Variants in C8orf34 observed in about 807,000 individuals in gnomAD.
C8orf34 encodes the protein chromosome 8 open reading frame 34.
Under a neutral mutation model 68.3 loss-of-function variants are expected in C8orf34, and 65 were observed. That is an observed-to-expected ratio of 0.95 (90% CI 0.78 to 1.17). The LOEUF (loss-of-function observed/expected upper bound fraction) is 1.17. Among genes scored for constraint, C8orf34 ranks in the 50% most tolerant of loss-of-function variants. The pLI is 0.00. For missense variants in C8orf34, 664 were observed against 655.4 expected (o/e 1.01, Z -0.14); for synonymous variants, 244 against 241.2 (o/e 1.01, Z -0.11).
At chr8:68,760,196 T>C (rs1241304998) in intron 10 of C8orf34, among the ~76,000 whole-genome samples, 1 of 152,120 alleles carries the variant, frequency 6.6e-6, no homozygotes, top group Non-Finnish European at 1.5e-5. Context: ...TCAGCACAGC[T>C]GGAGAATTAG....
chr8:68,465,405 G>GA (rs1812071330), intron 3 of C8orf34, among the ~76,000 whole-genome samples: 1 of 149,140 alleles, frequency 6.7e-6, no homozygotes, highest in South Asian at 2.2e-4. Flanking sequence ...ATTCCTCAGG[G>GA]ATCTAGAACT....
intron 11 of C8orf34, among the ~76,000 whole-genome samples, chr8:68,784,431 G>T (rs899032296): frequency 5.9e-5 from 9 of 152,084 alleles, no homozygotes; most frequent in Non-Finnish European, 1.2e-4. Flanking sequence ...GGTTTGTCAG[G>T]TTTCTTCACT....
chr8:68,627,757 G>A (rs1045620457), intron 7 of C8orf34, among the ~76,000 whole-genome samples: 1 of 152,098 alleles, frequency 6.6e-6, no homozygotes, highest in Admixed American at 6.6e-5. Flanking sequence ...TAAATAATGA[G>A]GGGTTCAATT....
intron 10 of C8orf34, among the ~76,000 whole-genome samples, chr8:68,769,244 A>G (rs549187895): frequency 6.6e-6 from 1 of 151,826 alleles, no homozygotes; most frequent in South Asian, 2.1e-4. Context: ...TCCTCTGCCA[A>G]TCTTCAATGT....
chr8:68,534,832 A>C (rs1369765390), intron 7 of C8orf34: 1 of 985,260 alleles, frequency 1.0e-6, no homozygotes, highest in South Asian at 4.7e-5. Context: ...CCCTGACTGA[A>C]GGTTCTAGTC....
At chr8:68,465,575 G>GT (rs1404052934) in intron 3 of C8orf34, among the ~76,000 whole-genome samples, 1 of 152,148 alleles carries the variant, frequency 6.6e-6, no homozygotes, top group Non-Finnish European at 1.5e-5. Flanking sequence ...TGATAGACTG[G>GT]TTTAAGAAAA....
intron 10 of C8orf34, among the ~76,000 whole-genome samples, chr8:68,742,179 C>A (rs149192648): frequency 6.8e-4 from 104 of 152,306 alleles, no homozygotes; most frequent in African/African-American, 2.3e-3. Context: ...ACTCCAGGCC[C>A]TAAGCCATTG....
chr8:68,782,289 A>G (rs1423860010), intron 11 of C8orf34, among the ~76,000 whole-genome samples: 1 of 152,128 alleles, frequency 6.6e-6, no homozygotes, highest in Non-Finnish European at 1.5e-5. Context: ...TTTTAAATCT[A>G]CAATTTTTTA....
intron 7 of C8orf34, among the ~76,000 whole-genome samples, chr8:68,573,438 A>C (rs954674891): frequency 6.6e-6 from 1 of 152,186 alleles, no homozygotes; most frequent in Non-Finnish European, 1.5e-5. Context: ...TCCAGTCTGC[A>C]GCTTAGAGCC....
chr8:68,665,376 T>A (rs1418504954), intron 8 of C8orf34, among the ~76,000 whole-genome samples: 1 of 152,196 alleles, frequency 6.6e-6, no homozygotes, highest in Admixed American at 6.5e-5. Context: ...AAGGAATTCA[T>A]GAGATATGCA....
chr8:68,672,054 T>G (rs1355945455), intron 8 of C8orf34, among the ~76,000 whole-genome samples: 1 of 152,148 alleles, frequency 6.6e-6, no homozygotes, highest in African/African-American at 2.4e-5. Context: ...GTATAAAATA[T>G]ATGAGAAATA....
intron 12 of C8orf34, among the ~76,000 whole-genome samples, chr8:68,801,768 C>T (rs571797794): frequency 9.9e-5 from 15 of 151,950 alleles, no homozygotes; most frequent in African/African-American, 3.1e-4. Flanking sequence ...AGAGGAAATA[C>T]GATGCTTTAA....
At position 68,360,031 on chromosome 8, in the gene C8orf34, A is replaced by C. The variant is rs370148552; in HGVS notation, c.327+28692A>C. ...AGGTACCCAAAACTCAAAATGACAA[A>C]AAGGAACCAAAATAACACAAGATGT... On this transcript the variant is annotated intron_variant, in intron 1 of 13. Transcript: ENST00000518698. Among the ~76,000 whole-genome samples, 44 of 152,278 alleles carry C rather than the reference A, an allele frequency of 2.9e-4. 1 individual carries two copies. The South Asian group carries it at 8.9e-3, about 31-fold the overall frequency.
intron 3 of C8orf34, among the ~76,000 whole-genome samples, chr8:68,460,000 G>C (rs561530117): frequency 6.6e-6 from 1 of 152,172 alleles, no homozygotes; most frequent in Admixed American, 6.5e-5. Flanking sequence ...TGCCTCACTC[G>C]GGAAACACAA....
At chr8:68,676,497 A>T (rs1229457936) in intron 8 of C8orf34, among the ~76,000 whole-genome samples, 1 of 152,174 alleles carries the variant, frequency 6.6e-6, no homozygotes, top group Non-Finnish European at 1.5e-5. Flanking sequence ...ACAAAGAAAC[A>T]TCAGGCTTAA....
intron 1 of C8orf34, among the ~76,000 whole-genome samples, chr8:68,367,927 A>AAAAAAAAAAAAG (rs1807374981): frequency 6.8e-6 from 1 of 148,018 alleles, no homozygotes; most frequent in African/African-American, 2.5e-5. Context: ...AAAAAAAAAA[A>AAAAAAAAAAAAG]AAAAAAAAAA....
At chr8:68,734,786 A>G (rs1260533686) in intron 10 of C8orf34, among the ~76,000 whole-genome samples, 1 of 152,170 alleles carries the variant, frequency 6.6e-6, no homozygotes, top group Non-Finnish European at 1.5e-5. Context: ...ATGACTGTCC[A>G]ACCCAGGAGT....
intron 10 of C8orf34, among the ~76,000 whole-genome samples, chr8:68,772,837 TTCTTTCTC>T (rs1215018481): frequency 6.8e-6 from 1 of 147,504 alleles, no homozygotes; most frequent in Non-Finnish European, 1.5e-5. Context: ...TTTCTTTTCT[TTCTTTCTC>T]TCTTTCTCTC....
At chr8:68,806,940 A>T (rs1334250929) in intron 12 of C8orf34, among the ~76,000 whole-genome samples, 1 of 152,124 alleles carries the variant, frequency 6.6e-6, no homozygotes, top group East Asian at 1.9e-4. Context: ...CTGGAGATAC[A>T]CTTGCAAGAT....
Sources: gnomAD v4.1 joint callset for allele counts (sites outside exome capture counted in the v4.1 genomes callset) on GRCh38, gnomAD v4.1.1 for gene constraint, MANE v1.5 for transcripts, NCBI Gene and HGNC (gene_info 2026-07-23, HGNC 2026-07-21) for gene names.